SEC24B: variants seen among roughly 807,000 people sequenced by gnomAD.
The protein encoded by SEC24B is SEC24 homolog B, COPII component.
A neutral mutation model predicts 142.8 loss-of-function variants in SEC24B; 45 were observed. The ratio of observed to expected loss-of-function variants is 0.32; its 90% CI spans 0.25 to 0.40. SEC24B has a LOEUF of 0.40. Ranked by LOEUF, SEC24B falls within the 10% of genes least tolerant of loss-of-function variation. The pLI, the probability that SEC24B is intolerant of heterozygous loss-of-function variation, is 1.00. For missense variants in SEC24B, 1,409 were observed against 1,526.8 expected, an observed-to-expected ratio of 0.92 and a Z score of 1.29; for synonymous variants, 574 against 568.2, an observed-to-expected ratio of 1.01 and a Z score of -0.15.
chr4:109,487,165 CAAA>C (rs372133489), intron 4 of SEC24B, among the ~76,000 whole-genome samples: 6 of 54,192 alleles, frequency 1.1e-4, no homozygotes, highest in East Asian at 6.3e-4. Context: ...GACTCTGTCT[CAAA>C]AAAAAAAAAA....
rs377205205 is a variant in SEC24B, at chr4:109,506,402, C to A, written c.1563C>A (p.Ser521Arg). 3 of 1,610,886 alleles carry A rather than the reference C, an allele frequency of 1.9e-6. No homozygotes were observed. The highest frequency in any genetic ancestry group is 2.5e-6 in the Non-Finnish European group (3 of 1,178,250). ...TTCAGAGTTCTCCACAACCAGAAAGCCTGAGACCTGTAAACCTTACTCAGG... is the reference window on the plus strand; with the variant it reads ...TTCAGAGTTCTCCACAACCAGAAAGACTGAGACCTGTAAACCTTACTCAGG... ...LSLQSSPQPE[S>R]LRPVNLTQER... The change falls in exon 7 of 24, where the codon AGC becomes AGA. Residue 521 changes from serine (S) to arginine (R), a missense_variant. Ser to Arg is a moderately radical substitution (Grantham distance 110). Transcript: ENST00000265175.
chr4:109,532,639 G>T lies in SEC24B; in HGVS notation c.3391G>T (p.Gly1131Cys). The T allele has an allele frequency of 1.2e-6, 2 of 1,608,814 alleles. No individual in the cohort carries two copies. The highest frequency in any genetic ancestry group is 1.7e-6 in the Non-Finnish European group (2 of 1,175,978). The change falls in exon 21 of 24, where the codon GGT (glycine) becomes TGT (cysteine). Residue 1131 changes from glycine (G) to cysteine (C), a missense_variant and splice_region_variant. Coordinates refer to ENST00000265175, the MANE Select transcript of SEC24B (RefSeq NM_006323.5). Reference sequence around the variant, plus strand: ...TCACATTCTCTCTTTTTCTTTTCAGGGTGCAGTACATGTTAATGACAGGAT... The same window carrying T: ...TCACATTCTCTCTTTTTCTTTTCAGTGTGCAGTACATGTTAATGACAGGAT... ...LYRIDRLTDE[G>C]AVHVNDRIVP...
chr4:109,491,347 A>G lies in SEC24B; in HGVS notation c.1186A>G (p.Thr396Ala), dbSNP rs943393678. The change falls in exon 5 of 24, where the codon ACA becomes GCA. Residue 396 changes from threonine (T) to alanine (A), a missense_variant. By Grantham distance (58) the Thr-to-Ala change is moderately conservative (BLOSUM62 0). Coordinates refer to ENST00000265175, the MANE Select transcript of SEC24B (RefSeq NM_006323.5). ...TTTAGGTGTTGACAGCTCTTCTACC[A>G]CAAGCAGTGCTTCTCCAATGCCCAA... The part of the protein sequence containing the change: ...EEAGVDSSST[T>A]SSASPMPNSY... The G allele has an allele frequency of 6.2e-7, 1 of 1,613,576 alleles. No homozygotes were observed. Among genetic ancestry groups the G allele is most frequent in the African/African-American group, 1.3e-5 (1 of 75,040 alleles).
rs75445312 is a variant in SEC24B at position 109,497,180 on chromosome 4, G to A, written c.1488+2324G>A. Among the ~76,000 whole-genome samples, 1,322 of 152,342 alleles carry A rather than the reference G, an allele frequency of 8.7e-3. 24 individuals carry two copies. The highest frequency in any genetic ancestry group is 0.03 in the African/African-American group (1,260 of 41,572). On this transcript the variant is annotated intron_variant, in intron 6 of 23. Transcript: ENST00000265175. ...GTTGAGTAGTTGCAAAAGAGATCAT[G>A]TGGCTCTCAAAGCTTTAAAATAATG... is the stretch of plus-strand genomic sequence containing the variant.
chr4:109,491,322 T>C lies in SEC24B; in HGVS notation c.1166-5T>C. The stretch of plus-strand genomic sequence containing the variant: ...ACCTAGTAGATATTTTGGTTTTCCT[T>C]TTAGGTGTTGACAGCTCTTCTACCA... On this transcript the variant is annotated splice_region_variant and splice_polypyrimidine_tract_variant and intron_variant, in intron 4 of 23. Transcript: ENST00000265175. 1 of 1,608,898 alleles carries C rather than the reference T, an allele frequency of 6.2e-7. No homozygotes were observed. The highest frequency in any genetic ancestry group is 8.5e-7 in the Non-Finnish European group (1 of 1,176,576).
At chr4:109,534,661 G>A (rs1725311125) in intron 22 of SEC24B, among the ~76,000 whole-genome samples, 1 of 152,150 alleles carries the variant, frequency 6.6e-6, no homozygotes, top group Non-Finnish European at 1.5e-5. Context: ...AAATCTGAAA[G>A]CGCAAATATA....
intron 12 of SEC24B, 46 bp downstream of exon 12, chr4:109,520,530 A>G (rs371088252): frequency 9.4e-7 from 1 of 1,067,964 alleles, no homozygotes; most frequent in Non-Finnish European, 1.5e-6. Flanking sequence ...CGGACTTTGA[A>G]ATGGGGGCTA....
chr4:109,474,260 T>C (rs1732842222), intron 3 of SEC24B, among the ~76,000 whole-genome samples: 1 of 152,224 alleles, frequency 6.6e-6, no homozygotes, highest in African/African-American at 2.4e-5. Flanking sequence ...GTAGAAGTTT[T>C]GTTTATCACA....
intron 1 of SEC24B, among the ~76,000 whole-genome samples, chr4:109,437,812 A>G (rs1281049220): frequency 4.6e-5 from 7 of 152,092 alleles, no homozygotes; most frequent in South Asian, 2.1e-4. Flanking sequence ...TTTAGTAGAG[A>G]TGGAGTTTCA....
At chr4:109,480,102 C>T (rs1714847783) in intron 3 of SEC24B, among the ~76,000 whole-genome samples, 1 of 152,046 alleles carries the variant, frequency 6.6e-6, no homozygotes, top group African/African-American at 2.4e-5. Flanking sequence ...AAAGATGTTT[C>T]AGCAAAGCTA....
At position 109,531,400 on chromosome 4, in the gene SEC24B, G is replaced by C. The variant is rs1724916727; in HGVS notation, c.3268G>C (p.Gly1090Arg). The change falls in exon 20 of 24, where the codon GGT becomes CGT. Residue 1090 changes from glycine (G) to arginine (R), a missense_variant. Around this residue, in one of 2 missense-constraint regions of SEC24B, gnomAD observed 700 missense variants for 853.3 expected, o/e 0.82. Coordinates refer to ENST00000265175, the MANE Select transcript of SEC24B (RefSeq NM_006323.5). ...ALLKQKAFRT[G>R]TSTRLDDRVY... ...TTCCTTGTAGAAAGCATTTAGAACG[G>C]GTACAAGCACACGGCTGGATGATCG... The C allele has an allele frequency of 6.2e-7, 1 of 1,612,132 alleles. No homozygotes were observed. The highest frequency in any genetic ancestry group is 8.5e-7 in the Non-Finnish European group (1 of 1,178,762).
At position 109,540,016 on chromosome 4, in the gene SEC24B, T is replaced by G. The variant is rs1365888567; in HGVS notation, c.*341T>G. 5.9e-6 allele frequency: 1 copy of G among 170,548 alleles called. No individual in the cohort carries two copies. Among genetic ancestry groups the G allele is most frequent in the Non-Finnish European group, 1.2e-5 (1 of 80,856 alleles). 10.6% of individuals were successfully genotyped at this position (170,548 alleles called of 1,614,324 possible). Reference sequence around the variant, plus strand: ...TGTCATAATGTAAAATTAGATAAATTCTTTTTTCTTATAATTAATATAACA... The same window carrying G: ...TGTCATAATGTAAAATTAGATAAATGCTTTTTTCTTATAATTAATATAACA... On this transcript the variant is annotated 3_prime_UTR_variant, in exon 24 of 24. Coordinates refer to ENST00000265175, the MANE Select transcript of SEC24B (RefSeq NM_006323.5).
At chr4:109,464,586 C>T (rs1310319132) in intron 2 of SEC24B, among the ~76,000 whole-genome samples, 1 of 152,092 alleles carries the variant, frequency 6.6e-6, no homozygotes, top group East Asian at 1.9e-4. Flanking sequence ...CAATTTGTGA[C>T]TTGAATTTAA....
chr4:109,521,528 A>G lies in SEC24B; in HGVS notation c.2410A>G (p.Thr804Ala), dbSNP rs1408031867. The G allele has an allele frequency of 4.3e-6, 7 of 1,613,988 alleles. No homozygotes were observed. In the Admixed American group the frequency reaches 5.0e-5, roughly 12 times the overall value. The change falls in exon 14 of 24, where the codon ACA (threonine) becomes GCA (alanine). Residue 804 changes from threonine (T) to alanine (A), a missense_variant. Around this residue, in one of 2 missense-constraint regions of SEC24B, gnomAD observed 700 missense variants for 853.3 expected, o/e 0.82. Coordinates refer to ENST00000265175, the MANE Select transcript of SEC24B (RefSeq NM_006323.5). ...GGCTGCCTTTAAATTAATGTCTCCA[A>G]CAGGTGGCCGTGTGTCTGTATTTCA... Reference protein sequence around the residue: ...LQAAFKLMSPTGGRVSVFQTQ... With the variant: ...LQAAFKLMSPAGGRVSVFQTQ...
chr4:109,520,570 C>T, intron 12 of SEC24B, 86 bp downstream of exon 12: 1 of 791,030 alleles, frequency 1.3e-6, no homozygotes, highest in Non-Finnish European at 2.2e-6. Flanking sequence ...TTGCTATATG[C>T]TGTGAGGATA....
chr4:109,492,096 A>T (rs1287502584), intron 5 of SEC24B, among the ~76,000 whole-genome samples: 1 of 150,928 alleles, frequency 6.6e-6, no homozygotes, highest in African/African-American at 2.4e-5. Context: ...TTTATTTCTT[A>T]TCTCTTTGTT....
At chr4:109,496,079 C>G (rs1418083954) in intron 6 of SEC24B, among the ~76,000 whole-genome samples, 1 of 151,918 alleles carries the variant, frequency 6.6e-6, no homozygotes, top group African/African-American at 2.4e-5. Context: ...ACATTCACAT[C>G]TATATTTATT....
chr4:109,519,636 A>G (rs1295736294), intron 11 of SEC24B, among the ~76,000 whole-genome samples: 3 of 152,190 alleles, frequency 2.0e-5, no homozygotes, highest in African/African-American at 7.2e-5. Flanking sequence ...TGGAAACATC[A>G]TAAATATTCA....
chr4:109,473,497 T>C lies in SEC24B; in HGVS notation c.1060+311T>C, dbSNP rs190543830. ...ATTTCCTATTTTTTAAAGGTTATTA[T>C]AGTTTCTTTTAGGATAGAGAAGCCA... On this transcript the variant is annotated intron_variant, in intron 3 of 23. Transcript: ENST00000265175. Among the ~76,000 whole-genome samples the C allele has an allele frequency of 2.3e-4, 35 of 152,330 alleles. No individual in the cohort carries two copies. In the East Asian group the frequency reaches 6.5e-3, roughly 29 times the overall value.
Sources: allele counts gnomAD v4.1 joint callset (sites outside exome capture counted in the v4.1 genomes callset), GRCh38; gene constraint gnomAD v4.1.1; regional missense constraint gnomAD v4.1.1; transcripts MANE v1.5; gene names NCBI Gene and HGNC (gene_info 2026-07-23, HGNC 2026-07-21).